SENP1: variants seen among roughly 807,000 people sequenced by gnomAD.
SENP1 encodes the protein SUMO specific peptidase 1.
Under a neutral mutation model 93.0 loss-of-function variants are expected in SENP1, and 21 were observed. The observed-to-expected ratio is 0.23, with a 90% CI of 0.16 to 0.33. The LOEUF (loss-of-function observed/expected upper bound fraction) is 0.33. SENP1 is among the 10% of genes least tolerant of loss of function. The pLI is 1.00. For missense variants in SENP1, 591 were observed against 758.7 expected, an observed-to-expected ratio of 0.78 and a Z score of 2.60; for synonymous variants, 256 against 259.6, an observed-to-expected ratio of 0.99 and a Z score of 0.13.
At chr12:48,068,419 A>G (rs190747787) in intron 9 of SENP1, among the ~76,000 whole-genome samples, 5 of 152,312 alleles carry the variant, frequency 3.3e-5, no homozygotes, top group African/African-American at 1.2e-4. Context: ...CCTAATGAAA[A>G]TCCCTATACT....
chr12:48,092,599 T>C (rs1214075114), intron 4 of SENP1, among the ~76,000 whole-genome samples: 1 of 152,182 alleles, frequency 6.6e-6, no homozygotes, highest in East Asian at 1.9e-4. Flanking sequence ...AAGCTGTAAT[T>C]TAGCATCCCA....
chr12:48,064,150 T>A (rs1171695011), intron 12 of SENP1, among the ~76,000 whole-genome samples: 1 of 152,168 alleles, frequency 6.6e-6, no homozygotes, highest in African/African-American at 2.4e-5. Flanking sequence ...ATGAGAAAAA[T>A]TAACTGTATT....
chr12:48,091,828 G>A (rs554183290), intron 4 of SENP1, among the ~76,000 whole-genome samples: 4 of 151,978 alleles, frequency 2.6e-5, no homozygotes, highest in Non-Finnish European at 4.4e-5. Flanking sequence ...ACATGTACAC[G>A]TTACCATGTC....
chr12:48,048,952 G>C lies in SENP1; in HGVS notation c.1588C>G (p.Leu530Val). 1 of 1,613,524 alleles carries C rather than the reference G, an allele frequency of 6.2e-7. No homozygotes were observed. Among genetic ancestry groups the C allele is most frequent in the East Asian group, 2.2e-5 (1 of 44,856 alleles). Reference sequence around the variant, plus strand: ...ACAGCTAGACACCAGTGTACTCCCAGGTGAATGGGCACCAAAAGAATGTCA... The same window carrying C: ...ACAGCTAGACACCAGTGTACTCCCACGTGAATGGGCACCAAAAGAATGTCA... ...SVDILLVPIH[L>V]GVHWCLAVVD... Residue 530 changes from leucine to valine, a missense_variant, in exon 14 of 18, where the codon CTG becomes GTG. Leu to Val is a conservative substitution (Grantham distance 32). Transcript: ENST00000549518.
Position 48,065,579 on chromosome 12 carries a change from C to G in SENP1, c.1119+17G>C. ...TGTACTATTTATTTGTAATATTATT[C>G]CAATTTTCTTTTTTACCTGGTTTTG... On this transcript the variant is annotated intron_variant, in intron 11 of 17. Transcript: ENST00000549518. 6.7e-7 allele frequency: 1 copy of G among 1,488,646 alleles called. No individual in the cohort carries two copies. The highest frequency in any genetic ancestry group is 2.5e-5 in the East Asian group (1 of 40,642). 92.2% of individuals were successfully genotyped at this position (1,488,646 alleles called of 1,614,324 possible). A position where few individuals can be genotyped will look rare whatever the true frequency, so the allele number is the denominator to read the frequency against.
chr12:48,074,339 T>G lies in SENP1; in HGVS notation c.925A>C (p.Asn309His), dbSNP rs757825981. The G allele has an allele frequency of 2.5e-5, 40 of 1,612,028 alleles. No homozygotes were observed. Among genetic ancestry groups the G allele is most frequent in the Non-Finnish European group, 1.1e-5 (13 of 1,178,490 alleles). The change falls in exon 8 of 18, where the codon AAT (asparagine) becomes CAT (histidine). Residue 309 changes from asparagine (N) to histidine (H), a missense_variant. Around this residue, in one of 4 missense-constraint regions of SENP1, gnomAD observed 238 missense variants for 259.1 expected, o/e 0.92. Transcript: ENST00000549518. Reference protein sequence around the residue: ...PHQPDNLAASNTQSEGSDSVI... With the variant: ...PHQPDNLAASHTQSEGSDSVI... Reference sequence around the variant, plus strand: ...CCATGTTTACCTTCAGATTGTGTATTTGAAGCTGCTAAGTTATCTGGCTGA... The same window carrying G: ...CCATGTTTACCTTCAGATTGTGTATGTGAAGCTGCTAAGTTATCTGGCTGA...
In SENP1 at chr12:48,088,956, A is replaced by T; in HGVS notation, c.225T>A (p.Asn75Lys). The T allele has an allele frequency of 6.4e-7, 1 of 1,574,000 alleles. No homozygotes were observed. Among genetic ancestry groups the T allele is most frequent in the Non-Finnish European group, 8.6e-7 (1 of 1,161,864 alleles). The change falls in exon 5 of 18, where the codon AAT becomes AAA. Residue 75 changes from asparagine to lysine, a missense_variant. By Grantham distance (94) the Asn-to-Lys change is moderately conservative (BLOSUM62 0). Around this residue, in one of 4 missense-constraint regions of SENP1, gnomAD observed 214 missense variants for 243.4 expected, o/e 0.88. Transcript: ENST00000549518. ...AGCCAAGAAAACTGTCTGAGGAAGG[A>T]TTATCTAAAAAAATAAAAGTTTGAA... ...AAYNPSYYSD[N>K]PSSDSFLGSG...
intron 6 of SENP1, among the ~76,000 whole-genome samples, chr12:48,078,370 CAT>C (rs371780150): frequency 0.23 from 24,763 of 107,792 alleles, 2,997 homozygotes; most frequent in East Asian, 0.37. Context: ...CACACATACA[CAT>C]ATATACTTAT....
At chr12:48,056,427 TTAC>T (rs1942364001) in intron 13 of SENP1, among the ~76,000 whole-genome samples, 1 of 114,256 alleles carries the variant, frequency 8.8e-6, no homozygotes. Flanking sequence ...ATAGTACATA[TTAC>T]ATATATAATT....
intron 10 of SENP1, among the ~76,000 whole-genome samples, chr12:48,066,656 C>T (rs1015267143): frequency 3.3e-5 from 5 of 151,906 alleles, no homozygotes; most frequent in Admixed American, 6.6e-5. Flanking sequence ...GGATTACAGG[C>T]GCGTGCCACC....
Position 48,049,150 on chromosome 12 carries a change from A to G in SENP1, c.1408-18T>C, listed in dbSNP as rs372749127. The G allele has an allele frequency of 1.2e-4, 199 of 1,593,900 alleles. No individual in the cohort carries two copies. Among genetic ancestry groups the G allele is most frequent in the Non-Finnish European group, 1.6e-4 (190 of 1,162,026 alleles). On this transcript the variant is annotated intron_variant, in intron 13 of 17. Transcript: ENST00000549518. ...TTGATGATCTGTGGGAAGAAATTAC[A>G]CCTATTAGAATAGACACTCAGGCCT...
At position 48,045,058 on chromosome 12, in the gene SENP1, TGAA is replaced by T. The variant is rs1483749030; in HGVS notation, c.*261_*263del. The T allele has an allele frequency of 2.2e-6, 1 of 449,048 alleles. No homozygotes were observed. Among genetic ancestry groups the T allele is most frequent in the African/African-American group, 1.9e-5 (1 of 52,040 alleles). The allele number at this position is 449,048 out of a possible 1,614,324, so 27.8% of individuals were successfully genotyped here. A position where few individuals can be genotyped will look rare whatever the true frequency, so the allele number is the denominator to read the frequency against. ...CCCTTTGAAAACAAGATGGCAGAAC[TGAA>T]GAAGTGAAAAGCAGTCTCTCTCTTC... On this transcript the variant is annotated 3_prime_UTR_variant, in exon 18 of 18. Transcript: ENST00000549518.
Position 48,047,174 on chromosome 12 carries a change from T to G in SENP1, c.1692-112A>C, listed in dbSNP as rs1941433515. On this transcript the variant is annotated intron_variant, in intron 15 of 17. Coordinates refer to ENST00000549518, the MANE Select transcript of SENP1 (RefSeq NM_001267594.2). ...AACAAATTTGTTTCATCTGCTCTTC[T>G]GAGGAAAAGAGTATATAATACTGGG... is the stretch of plus-strand genomic sequence containing the variant. 6.0e-6 allele frequency: 4 copies of G among 670,100 alleles called. No homozygotes were observed. In the South Asian group the frequency reaches 7.1e-5, roughly 12 times the overall value. The allele number at this position is 670,100 out of a possible 1,614,324, so 41.5% of individuals were successfully genotyped here.
chr12:48,080,627 T>C (rs1944431870), intron 6 of SENP1: 1 of 152,234 alleles, frequency 6.6e-6, no homozygotes, highest in Non-Finnish European at 1.5e-5. Flanking sequence ...TAAGTTCCCA[T>C]CAGTAAATTT....
Position 48,083,614 on chromosome 12 carries a change from G to A in SENP1, c.529C>T (p.Arg177Ter), listed in dbSNP as rs760121910. The change falls in exon 6 of 18, where the codon CGA (arginine) becomes TGA (stop). Residue 177 changes from arginine to a stop codon, truncating the protein, a stop_gained. Transcript: ENST00000549518. LOFTEE classifies it high-confidence loss of function. ...SLLSPKKTQR[R>*]HVSTAEETVQ... The stretch of plus-strand genomic sequence containing the variant: ...ACCTCTTCTGCTGTACTAACATGTC[G>A]CCTCTGAGTTTTCTTGGGGCTCAAA... 2 of 1,613,614 alleles carry A rather than the reference G, an allele frequency of 1.2e-6. No individual in the cohort carries two copies. Among genetic ancestry groups the A allele is most frequent in the South Asian group, 1.1e-5 (1 of 91,010 alleles).
At chr12:48,099,710 C>G (rs916121472) in intron 2 of SENP1, among the ~76,000 whole-genome samples, 2 of 152,004 alleles carry the variant, frequency 1.3e-5, no homozygotes, top group African/African-American at 4.8e-5. Context: ...TACTTGGAGG[C>G]TGAAGCATGA....
Position 48,042,935 on chromosome 12 carries a change from T to C in SENP1, c.*2387A>G, listed in dbSNP as rs1171585349. The C allele has an allele frequency of 1.3e-5, 2 of 151,992 alleles. No individual in the cohort carries two copies. The highest frequency in any genetic ancestry group is 4.8e-5 in the African/African-American group (2 of 41,396). The allele number at this position is 151,992 out of a possible 1,614,324, so 9.4% of individuals were successfully genotyped here. On this transcript the variant is annotated 3_prime_UTR_variant, in exon 18 of 18. Coordinates refer to ENST00000549518, the MANE Select transcript of SENP1 (RefSeq NM_001267594.2). Reference sequence around the variant, plus strand: ...AAAGTCTTATTTAGTTTAAAGTAAATTACATAAGATATTAATAACATGCCT... The same window carrying C: ...AAAGTCTTATTTAGTTTAAAGTAAACTACATAAGATATTAATAACATGCCT...
In SENP1 at chr12:48,085,584, G is replaced by A. The variant is rs533579323; in HGVS notation, c.381-1822C>T. Among the ~76,000 whole-genome samples, 4 of 152,112 alleles carry A rather than the reference G, an allele frequency of 2.6e-5. No individual in the cohort carries two copies. The East Asian group carries it at 7.8e-4, about 29-fold the overall frequency. ...CTAGGTGAGGCGCTTCTAGGTTGCT[G>A]GGGCTCTGCTGTTAAAATCAAGGCT... On this transcript the variant is annotated intron_variant, in intron 5 of 17. Coordinates refer to ENST00000549518, the MANE Select transcript of SENP1 (RefSeq NM_001267594.2).
chr12:48,103,466 T>C (rs1427475208), intron 1 of SENP1, among the ~76,000 whole-genome samples: 1 of 152,218 alleles, frequency 6.6e-6, no homozygotes, highest in Admixed American at 6.5e-5. Context: ...TCCACACTGA[T>C]TTATAATTTT....
Sources: gnomAD v4.1 joint callset for allele counts (sites outside exome capture counted in the v4.1 genomes callset) on GRCh38, gnomAD v4.1.1 for gene constraint, gnomAD v4.1.1 regional missense constraint, MANE v1.5 for transcripts, NCBI Gene and HGNC (gene_info 2026-07-23, HGNC 2026-07-21) for gene names.